MACROD2: variants seen among roughly 807,000 people sequenced by gnomAD.
The protein encoded by MACROD2 is ADP-ribose glycohydrolase MACROD2.
A neutral mutation model predicts 70.4 loss-of-function variants in MACROD2; 36 were observed. The ratio of observed to expected loss-of-function variants is 0.51; its 90% confidence interval spans 0.39 to 0.68. MACROD2 has a LOEUF of 0.68. MACROD2 is among the 30% of genes least tolerant of loss of function. MACROD2 has a pLI of 0.00. For missense variants in MACROD2, 496 were observed against 538.4 expected (o/e 0.92, Z 0.78); for synonymous variants, 172 against 178.8 (o/e 0.96, Z 0.30).
chr20:15,667,186 T>C (rs1262115994), intron 8 of MACROD2, among the ~76,000 whole-genome samples: 1 of 152,156 alleles, frequency 6.6e-6, no homozygotes, highest in African/African-American at 2.4e-5. Flanking sequence ...GTTTTAATGA[T>C]AGTGAGTTCT....
chr20:14,746,515 G>GTGTGTC (rs1473231432), intron 5 of MACROD2, among the ~76,000 whole-genome samples: 5 of 152,104 alleles, frequency 3.3e-5, no homozygotes, highest in Admixed American at 3.3e-4. Context: ...AAGTATGTGT[G>GTGTGTC]TGTGTCTGTG....
intron 3 of MACROD2, among the ~76,000 whole-genome samples, chr20:14,297,910 C>G (rs1334184755): frequency 6.6e-6 from 1 of 151,818 alleles, no homozygotes; most frequent in Non-Finnish European, 1.5e-5. Flanking sequence ...TTGTTAGGGG[C>G]TAATGCAGTG....
At chr20:15,154,296 C>A (rs767606130) in intron 5 of MACROD2, among the ~76,000 whole-genome samples, 2 of 152,176 alleles carry the variant, frequency 1.3e-5, no homozygotes, top group Non-Finnish European at 2.9e-5. Context: ...TGGCAGGAAC[C>A]TTTCCACAGA....
At chr20:14,855,747 A>C (rs2073249413) in intron 5 of MACROD2, among the ~76,000 whole-genome samples, 1 of 151,800 alleles carries the variant, frequency 6.6e-6, no homozygotes, top group Non-Finnish European at 1.5e-5. Flanking sequence ...TGATAGCATG[A>C]AACGAGACTA....
intron 5 of MACROD2, among the ~76,000 whole-genome samples, chr20:15,156,734 C>G (rs1203953052): frequency 6.6e-6 from 1 of 152,142 alleles, no homozygotes; most frequent in East Asian, 1.9e-4. Context: ...CAAGGGTCTT[C>G]AGAGGAAATA....
intron 7 of MACROD2, among the ~76,000 whole-genome samples, chr20:15,459,297 C>A (rs911202582): frequency 6.6e-6 from 1 of 152,018 alleles, no homozygotes; most frequent in Non-Finnish European, 1.5e-5. Context: ...TCTCCTGCCC[C>A]CTCCCCGCTC....
At chr20:15,358,288 A>T (rs1423630317) in intron 6 of MACROD2, among the ~76,000 whole-genome samples, 1 of 152,308 alleles carries the variant, frequency 6.6e-6, no homozygotes, top group Admixed American at 6.5e-5. Flanking sequence ...GCATTAAAAG[A>T]TGTAAGTACA....
intron 6 of MACROD2, among the ~76,000 whole-genome samples, chr20:15,402,787 G>A (rs1047582624): frequency 6.6e-6 from 1 of 152,186 alleles, no homozygotes; most frequent in African/African-American, 2.4e-5. Flanking sequence ...AATTTGATGT[G>A]ATTAAATAAG....
chr20:14,247,398 T>G (rs140245778), intron 3 of MACROD2, among the ~76,000 whole-genome samples: 55 of 152,336 alleles, frequency 3.6e-4, no homozygotes, highest in African/African-American at 1.3e-3. Context: ...TGTGGACTTT[T>G]GCAGTGTTTA....
Position 14,902,257 on chromosome 20 carries a change from G to A in MACROD2, c.418+217298G>A, listed in dbSNP as rs146154282. On this transcript the variant is annotated intron_variant, in intron 5 of 17. Coordinates refer to ENST00000684519, the MANE Select transcript of MACROD2 (RefSeq NM_001351661.2). ...AGTTGTTTTACTTTTCAAAATTCGC[G>A]GTGAAGGGTTACATTTAAAGCAGAG... is the stretch of plus-strand genomic sequence containing the variant. Among the ~76,000 whole-genome samples the A allele has an allele frequency of 3.9e-3, 587 of 152,178 alleles. 8 individuals are homozygous for A. The highest frequency in any genetic ancestry group is 5.9e-3 in the Non-Finnish European group (402 of 68,000).
At chr20:15,706,340 G>C (rs916632938) in intron 8 of MACROD2, among the ~76,000 whole-genome samples, 2 of 152,180 alleles carry the variant, frequency 1.3e-5, no homozygotes, top group African/African-American at 2.4e-5. Context: ...AAGGGTTGAA[G>C]TAGACGGCAC....
chr20:14,810,696 G>A lies in MACROD2; in HGVS notation c.418+125737G>A, dbSNP rs939109557. Among the ~76,000 whole-genome samples, 8 of 151,544 alleles carry A rather than the reference G, an allele frequency of 5.3e-5. 1 individual carries two copies. The highest frequency in any genetic ancestry group is 4.8e-5 in the African/African-American group (2 of 41,420). On this transcript the variant is annotated intron_variant, in intron 5 of 17. Transcript: ENST00000684519. ...GATTGTATATTTAGAAAACCCCATC[G>A]TCAGCCCAAAAACTCCTTAAGCTGA...
intron 5 of MACROD2, among the ~76,000 whole-genome samples, chr20:15,200,158 C>T (rs1232768101): frequency 1.3e-5 from 2 of 152,188 alleles, no homozygotes; most frequent in Non-Finnish European, 2.9e-5. Flanking sequence ...CATCAGCATA[C>T]TGGGTCATAA....
intron 2 of MACROD2, among the ~76,000 whole-genome samples, chr20:14,029,195 T>C (rs572637822): frequency 6.6e-6 from 1 of 152,220 alleles, no homozygotes; most frequent in Admixed American, 6.5e-5. Context: ...TAAGTTCTTA[T>C]ACAGGCAGAG....
chr20:15,935,588 A>G (rs537114743), intron 11 of MACROD2, among the ~76,000 whole-genome samples: 1 of 152,320 alleles, frequency 6.6e-6, no homozygotes, highest in African/African-American at 2.4e-5. Context: ...TCATGAAAAA[A>G]CACAATCTTA....
chr20:15,019,158 C>T lies in MACROD2; in HGVS notation c.419-210782C>T, dbSNP rs540054273. 1.5e-3 allele frequency among the ~76,000 whole-genome samples: 233 copies of T among 152,136 alleles called. 3 individuals carry two copies. Among genetic ancestry groups the T allele is most frequent in the African/African-American group, 5.3e-3 (220 of 41,430 alleles). The stretch of plus-strand genomic sequence containing the variant: ...GTTTTCCCTTCTTCCTCTGAACACA[C>T]ACACACGCGCGCGCGCGCGCGGAGA... On this transcript the variant is annotated intron_variant, in intron 5 of 17. Coordinates refer to ENST00000684519, the MANE Select transcript of MACROD2 (RefSeq NM_001351661.2).
At chr20:14,403,139 G>T (rs1416294709) in intron 3 of MACROD2, among the ~76,000 whole-genome samples, 1 of 152,064 alleles carries the variant, frequency 6.6e-6, no homozygotes, top group Non-Finnish European at 1.5e-5. Flanking sequence ...TGAGACAAAT[G>T]TAGAATTATG....
chr20:14,410,801 T>G (rs1347198019), intron 3 of MACROD2, among the ~76,000 whole-genome samples: 1 of 152,148 alleles, frequency 6.6e-6, no homozygotes, highest in Non-Finnish European at 1.5e-5. Context: ...CTTTCTGACT[T>G]CCCTACTTTT....
chr20:14,020,200 C>T (rs893714393), intron 2 of MACROD2, among the ~76,000 whole-genome samples: 13 of 152,200 alleles, frequency 8.5e-5, no homozygotes, highest in South Asian at 4.2e-4. Flanking sequence ...CAGCCGGGCG[C>T]GGTGGCTCAT....
Sources: gnomAD v4.1 joint callset for allele counts (sites outside exome capture counted in the v4.1 genomes callset) on GRCh38, gnomAD v4.1.1 for gene constraint, MANE v1.5 for transcripts, NCBI Gene and HGNC (gene_info 2026-07-23, HGNC 2026-07-21) for gene names.